The following UGT2B4 variants were observed in gnomAD, a reference collection of about 807,000 sequenced individuals.
UGT2B4 encodes UDP-glucuronosyltransferase 2B4.
A neutral mutation model predicts 49.8 loss-of-function variants in UGT2B4; 49 were observed. That is an observed-to-expected ratio of 0.98 (90% confidence interval 0.78 to 1.25). The LOEUF (loss-of-function observed/expected upper bound fraction) is 1.25. Among genes scored for constraint, UGT2B4 ranks in the 50% most tolerant of loss-of-function variants. The pLI is 0.00. For synonymous variants in UGT2B4, 246 were observed against 217.7 expected (o/e 1.13, Z -1.14); for missense variants, 729 against 627.7 (o/e 1.16, Z -1.73).
intron 5 of UGT2B4, among the ~76,000 whole-genome samples, chr4:69,482,121 C>T (rs944318325): frequency 4.6e-5 from 7 of 152,124 alleles, no homozygotes; most frequent in African/African-American, 1.7e-4. Flanking sequence ...CACATTGCGT[C>T]CCCTCTACCC....
chr4:69,522,370 C>T (rs1370329589), intron 1 of UGT2B4, among the ~76,000 whole-genome samples: 2 of 152,130 alleles, frequency 1.3e-5, no homozygotes, highest in Non-Finnish European at 2.9e-5. Context: ...GAAAAATCTA[C>T]AGGTAAACTT....
intron 1 of UGT2B4, among the ~76,000 whole-genome samples, chr4:69,501,328 C>G (rs116733618): frequency 8.3e-4 from 127 of 152,256 alleles, no homozygotes; most frequent in African/African-American, 2.8e-3. Context: ...TAAGCAGGTT[C>G]CAGATCCTGT....
chr4:69,506,525 G>T (rs1453244511), intron 1 of UGT2B4, among the ~76,000 whole-genome samples: 1 of 152,076 alleles, frequency 6.6e-6, no homozygotes, highest in Non-Finnish European at 1.5e-5. Context: ...AAACCCAGAA[G>T]AAATTGAATT....
intron 1 of UGT2B4, among the ~76,000 whole-genome samples, chr4:69,504,549 A>G (rs1368097032): frequency 6.6e-6 from 1 of 152,138 alleles, no homozygotes; most frequent in Non-Finnish European, 1.5e-5. Flanking sequence ...CAAAAATAGA[A>G]AAAGAAAGAA....
intron 5 of UGT2B4, among the ~76,000 whole-genome samples, chr4:69,481,970 T>G (rs1727606804): frequency 6.6e-6 from 1 of 152,210 alleles, no homozygotes; most frequent in Admixed American, 6.5e-5. Flanking sequence ...ATATCAAGAA[T>G]AAAATCCAAC....
chr4:69,498,619 A>G (rs1033831651), upstream of UGT2B4, among the ~76,000 whole-genome samples: 2 of 151,952 alleles, frequency 1.3e-5, no homozygotes, highest in Non-Finnish European at 2.9e-5. Context: ...GTGTCAAGGA[A>G]TTTATCTACT....
chr4:69,483,369 G>A (rs1468493776), intron 5 of UGT2B4, among the ~76,000 whole-genome samples: 2 of 151,994 alleles, frequency 1.3e-5, no homozygotes, highest in South Asian at 2.1e-4. Flanking sequence ...GAATACATAT[G>A]TATGAGTTAT....
chr4:69,525,585 T>C lies in UGT2B4; in HGVS notation c.-106+102A>G, dbSNP rs1728961639. ...GACTCATTTTTTGGGCAACGTGATA[T>C]AGTTTCAAGATATGGGTTAGACAAT... On this transcript the variant is annotated intron_variant, in intron 1 of 1. Transcript: ENST00000510114. The C allele has an allele frequency of 1.4e-5, 8 of 566,422 alleles. No individual in the cohort carries two copies. The South Asian group carries it at 3.6e-4, about 26-fold the overall frequency. The allele number at this position is 566,422 out of a possible 1,614,324, so 35.1% of individuals were successfully genotyped here. A position where few individuals can be genotyped will look rare whatever the true frequency, so the allele number is the denominator to read the frequency against.
chr4:69,502,153 T>TTCTTTCTTTCTTTCTTTC (rs1728355408), intron 1 of UGT2B4, among the ~76,000 whole-genome samples: 1 of 120,772 alleles, frequency 8.3e-6, no homozygotes, highest in African/African-American at 3.1e-5. Context: ...TTCTTTCTCT[T>TTCTTTCTTTCTTTCTTTC]TCTTTCTTTC....
In UGT2B4 at chr4:69,495,325, T is replaced by G. The variant is rs765117495; in HGVS notation, c.537A>C (p.Ala179=). The G allele has an allele frequency of 5.6e-6, 9 of 1,612,810 alleles. No individual in the cohort carries two copies. Among genetic ancestry groups the G allele is most frequent in the Non-Finnish European group, 7.6e-6 (9 of 1,179,610 alleles). ...VYSLRFSPGY[A]IEKHSGGLLF... ...GAAGTCCTCCACTATGCTTTTCAAT[T>G]GCGTAGCCAGGAGAGAAGCGGAGGC... Residue 179 remains alanine, a synonymous_variant, in exon 1 of 6, where the codon GCA becomes GCC. Transcript: ENST00000305107.
intron 4 of UGT2B4, among the ~76,000 whole-genome samples, chr4:69,485,754 T>C (rs1452554961): frequency 6.6e-6 from 1 of 152,094 alleles, no homozygotes; most frequent in Non-Finnish European, 1.5e-5. Flanking sequence ...TCTTGTTTTT[T>C]TGTTTTTTGT....
At position 69,489,581 on chromosome 4, in the gene UGT2B4, A is replaced by C; in HGVS notation, c.871-11T>G. On this transcript the variant is annotated splice_polypyrimidine_tract_variant and intron_variant, in intron 2 of 5. Coordinates refer to ENST00000305107, the MANE Select transcript of UGT2B4 (RefSeq NM_021139.3). Reference sequence around the variant, plus strand: ...AAACTCTTCCATTTCCTGTGAAAAAAAAGAATTTGTTCTATCATAATAGAT... The same window carrying C: ...AAACTCTTCCATTTCCTGTGAAAAACAAGAATTTGTTCTATCATAATAGAT... 6.2e-7 allele frequency: 1 copy of C among 1,600,866 alleles called. No individual in the cohort carries two copies. Among genetic ancestry groups the C allele is most frequent in the Non-Finnish European group, 8.5e-7 (1 of 1,174,978 alleles).
chr4:69,516,001 G>A (rs929667499), intron 1 of UGT2B4, among the ~76,000 whole-genome samples: 3 of 152,054 alleles, frequency 2.0e-5, no homozygotes, highest in Non-Finnish European at 4.4e-5. Context: ...CCCTTCCCCT[G>A]TTTCTCCTTC....
intron 5 of UGT2B4, among the ~76,000 whole-genome samples, chr4:69,483,398 T>C (rs1221217699): frequency 7.2e-5 from 11 of 152,176 alleles, no homozygotes; most frequent in Admixed American, 2.6e-4. Flanking sequence ...GTGTGTGTTA[T>C]GTTACATTAC....
intron 1 of UGT2B4, among the ~76,000 whole-genome samples, chr4:69,505,029 T>G (rs902868055): frequency 2.8e-4 from 42 of 152,130 alleles, no homozygotes; most frequent in African/African-American, 9.4e-4. Context: ...AAGGAATCTG[T>G]TACCACCACA....
At chr4:69,489,628 G>A (rs1490217972) in intron 2 of UGT2B4, 58 bp from the exon 3 acceptor site, 5 of 1,549,148 alleles carry the variant, frequency 3.2e-6, no homozygotes, top group South Asian at 1.2e-5. Flanking sequence ...CAAGCACTGT[G>A]AAAGAATTGT....
rs186457511 is a variant in UGT2B4 at position 69,491,141 on chromosome 4, C to T, written c.871-1571G>A. ...TTTATAGTTCAATGTACACTTGTGA[C>T]GTTTATTTAGACAATTTTATTCTGA... is the stretch of plus-strand genomic sequence containing the variant. On this transcript the variant is annotated intron_variant, in intron 2 of 5. Transcript: ENST00000305107. 1.3e-3 allele frequency among the ~76,000 whole-genome samples: 201 copies of T among 151,974 alleles called. 3 individuals are homozygous for T. Among genetic ancestry groups the T allele is most frequent in the African/African-American group, 4.0e-3 (165 of 41,476 alleles).
rs951964641 is a variant in UGT2B4 at position 69,480,791 on chromosome 4, C to G, written c.1430G>C (p.Arg477Pro). 8 of 1,613,830 alleles carry G rather than the reference C, an allele frequency of 5.0e-6. No individual in the cohort carries two copies. The highest frequency in any genetic ancestry group is 6.8e-6 in the Non-Finnish European group (8 of 1,179,868). Residue 477 changes from arginine to proline, a missense_variant, in exon 6 of 6, where the codon CGG becomes CCG. Physicochemically the swap from Arg to Pro is moderately radical, Grantham distance 103 (BLOSUM62 -2). Transcript: ENST00000305107. ...CCAGGTGAGGTCGTGGGCTGCAACC[C>G]GAAGGTGCTTGGCTCCTTTATGGCG... is the stretch of plus-strand genomic sequence containing the variant. ...VMRHKGAKHL[R>P]VAAHDLTWFQ...
intron 5 of UGT2B4, among the ~76,000 whole-genome samples, chr4:69,484,364 G>T (rs1322000940): frequency 6.6e-6 from 1 of 151,902 alleles, no homozygotes; most frequent in Non-Finnish European, 1.5e-5. Context: ...GCCACAACTG[G>T]AAACAATCAA....
Sources: allele counts gnomAD v4.1 joint callset (sites outside exome capture counted in the v4.1 genomes callset), GRCh38; gene constraint gnomAD v4.1.1; transcripts MANE v1.5; gene names NCBI Gene and HGNC (gene_info 2026-07-23, HGNC 2026-07-21).